The following ANKRD55 variants were observed in gnomAD, a reference collection of about 807,000 sequenced individuals.
ANKRD55 encodes the protein ankyrin repeat domain-containing protein 55.
Under a neutral mutation model 60.6 loss-of-function variants are expected in ANKRD55, and 41 were observed. The observed-to-expected ratio is 0.68, with a 90% CI of 0.53 to 0.88. ANKRD55 has a LOEUF of 0.88. Among genes scored for constraint, ANKRD55 ranks in the 40% least tolerant of loss-of-function variants. The pLI is 0.00. For missense variants in ANKRD55, 732 were observed against 767.6 expected, an observed-to-expected ratio of 0.95 and a Z score of 0.55; for synonymous variants, 264 against 290.3, an observed-to-expected ratio of 0.91 and a Z score of 0.92.
intron 5 of ANKRD55, chr5:56,162,154 CAG>C (rs539041830): frequency 5.7e-4 from 227 of 400,216 alleles, no homozygotes; most frequent in African/African-American, 4.6e-3. Flanking sequence ...CCTGAGCAGA[CAG>C]AGATTATCTG....
chr5:56,166,119 T>TTTC (rs879264597), intron 5 of ANKRD55, among the ~76,000 whole-genome samples: 1,201 of 57,484 alleles, frequency 0.021, 36 homozygotes, highest in Middle Eastern at 0.05. Context: ...TCTTTCTTTC[T>TTTC]TTCTTTCTTT....
At chr5:56,179,302 T>C (rs1338101305) in intron 3 of ANKRD55, among the ~76,000 whole-genome samples, 1 of 152,102 alleles carries the variant, frequency 6.6e-6, no homozygotes, top group Non-Finnish European at 1.5e-5. Context: ...TTATGTAAAT[T>C]TTATAAATCA....
chr5:56,213,685 T>G (rs1396130091), intron 2 of ANKRD55, among the ~76,000 whole-genome samples: 3 of 152,238 alleles, frequency 2.0e-5, no homozygotes, highest in Non-Finnish European at 4.4e-5. Context: ...AGTAAACAGA[T>G]AGGCTGGCTT....
chr5:56,203,359 T>C (rs528167134), intron 2 of ANKRD55, among the ~76,000 whole-genome samples: 77 of 152,262 alleles, frequency 5.1e-4, no homozygotes, highest in African/African-American at 1.8e-3. Flanking sequence ...ATTTTATTAT[T>C]ATTATACTTT....
At chr5:56,130,377 TC>T (rs1757377166) in intron 7 of ANKRD55, among the ~76,000 whole-genome samples, 1 of 152,084 alleles carries the variant, frequency 6.6e-6, no homozygotes, top group Non-Finnish European at 1.5e-5. Context: ...TCCAGCCCAC[TC>T]TAGCTATCCT....
intron 6 of ANKRD55, among the ~76,000 whole-genome samples, chr5:56,147,024 A>G (rs1397757873): frequency 6.6e-6 from 1 of 152,228 alleles, no homozygotes; most frequent in Non-Finnish European, 1.5e-5. Flanking sequence ...AACAACCGCA[A>G]GAAACCCCCC....
chr5:56,203,852 G>A (rs1443485900), intron 2 of ANKRD55, among the ~76,000 whole-genome samples: 2 of 152,168 alleles, frequency 1.3e-5, no homozygotes, highest in African/African-American at 4.8e-5. Context: ...TATATACCCA[G>A]TAATGGGATG....
intron 2 of ANKRD55, among the ~76,000 whole-genome samples, chr5:56,213,415 G>A (rs768589821): frequency 2.0e-5 from 3 of 151,814 alleles, no homozygotes; most frequent in Non-Finnish European, 2.9e-5. Flanking sequence ...ATTACTCATC[G>A]GACATTTTAA....
chr5:56,226,286 A>C (rs1760108351), intron 2 of ANKRD55, among the ~76,000 whole-genome samples: 1 of 152,238 alleles, frequency 6.6e-6, no homozygotes, highest in South Asian at 2.1e-4. Flanking sequence ...CATATGTAGA[A>C]AGCTGACACT....
chr5:56,168,241 G>A (rs1758529099), intron 5 of ANKRD55, among the ~76,000 whole-genome samples: 1 of 152,206 alleles, frequency 6.6e-6, no homozygotes. Flanking sequence ...TTAATCTGCG[G>A]TTTCGCTTTC....
At chr5:56,122,478 C>T (rs1309632608) in intron 8 of ANKRD55, among the ~76,000 whole-genome samples, 4 of 151,496 alleles carry the variant, frequency 2.6e-5, no homozygotes, top group Non-Finnish European at 5.9e-5. Context: ...TGGTGAAACC[C>T]CTAATCTACT....
chr5:56,229,619 G>A (rs1464228227), intron 2 of ANKRD55, among the ~76,000 whole-genome samples: 3 of 152,216 alleles, frequency 2.0e-5, no homozygotes, highest in African/African-American at 7.2e-5. Flanking sequence ...CTGTCACCAA[G>A]ACCCTGGCAT....
chr5:56,191,725 G>A (rs1759097355), intron 2 of ANKRD55, among the ~76,000 whole-genome samples: 1 of 152,192 alleles, frequency 6.6e-6, no homozygotes, highest in African/African-American at 2.4e-5. Context: ...GCACAGTGTA[G>A]GGGGAAAAGG....
chr5:56,107,428 C>G (rs1037469767), intron 10 of ANKRD55, among the ~76,000 whole-genome samples: 1 of 152,094 alleles, frequency 6.6e-6, no homozygotes, highest in African/African-American at 2.4e-5. Flanking sequence ...CCCCAAACCA[C>G]GTTTATTGAA....
chr5:56,202,924 G>GATT (rs1368200890), intron 2 of ANKRD55, among the ~76,000 whole-genome samples: 4 of 152,104 alleles, frequency 2.6e-5, no homozygotes, highest in Non-Finnish European at 2.9e-5. Flanking sequence ...TTGAAATTCA[G>GATT]TAAAGATGCC....
chr5:56,102,448 A>C, intron 11 of ANKRD55, 46 bp downstream of exon 11: 2 of 1,320,472 alleles, frequency 1.5e-6, no homozygotes, highest in Non-Finnish European at 2.2e-6. Context: ...GTGTCTAGAT[A>C]TGTTAACACT....
In ANKRD55 at chr5:56,159,891, A is replaced by G. The variant is rs1214308842; in HGVS notation, c.425T>C (p.Leu142Pro). Residue 142 changes from leucine to proline, a missense_variant and splice_region_variant, in exon 6 of 12, where the codon CTC (leucine) becomes CCC (proline). Physicochemically the swap from Leu to Pro is moderately conservative, Grantham distance 98. Transcript: ENST00000341048. ...HAATAEPDMR[L>P]LTVLLQQSNI... ...CGACTGTTGCAACAGGACCGTGAGG[A>G]GCCTGTAAGGAAAAAATAGGAGAAA... is the stretch of plus-strand genomic sequence containing the variant. 1 of 1,613,284 alleles carries G rather than the reference A, an allele frequency of 6.2e-7. No individual in the cohort carries two copies. Among genetic ancestry groups the G allele is most frequent in the Admixed American group, 1.7e-5 (1 of 59,994 alleles).
At chr5:56,204,122 G>A (rs546671601) in intron 2 of ANKRD55, among the ~76,000 whole-genome samples, 129 of 152,216 alleles carry the variant, frequency 8.5e-4, no homozygotes, top group Admixed American at 2.1e-3. Flanking sequence ...CTGCATAAAT[G>A]TCTTCTTTTG....
intron 6 of ANKRD55, among the ~76,000 whole-genome samples, chr5:56,146,579 C>T (rs184968756): frequency 2.6e-5 from 4 of 152,200 alleles, no homozygotes; most frequent in East Asian, 1.9e-4. Context: ...TGCACCCGGC[C>T]GAATTTCTTC....
Sources: allele counts gnomAD v4.1 joint callset (sites outside exome capture counted in the v4.1 genomes callset), GRCh38; gene constraint gnomAD v4.1.1; transcripts MANE v1.5; gene names NCBI Gene and HGNC (gene_info 2026-07-23, HGNC 2026-07-21).